PITRM1: variants seen among roughly 807,000 people sequenced by gnomAD.
PITRM1 encodes pitrilysin metallopeptidase 1, also known as presequence protease, mitochondrial.
A neutral mutation model predicts 129.9 loss-of-function variants in PITRM1; 100 were observed. The ratio of observed to expected loss-of-function variants is 0.77; its 90% CI spans 0.65 to 0.91. PITRM1 has a LOEUF of 0.91. Among genes scored for constraint, PITRM1 ranks in the 40% least tolerant of loss-of-function variants. PITRM1 has a pLI of 0.00. For synonymous variants in PITRM1, 591 were observed against 508.8 expected (o/e 1.16, Z -2.17); for missense variants, 1,471 against 1,318.3 (o/e 1.12, Z -1.79).
chr10:3,167,557 C>T (rs961173826), intron 2 of PITRM1, among the ~76,000 whole-genome samples: 5 of 152,116 alleles, frequency 3.3e-5, no homozygotes, highest in Non-Finnish European at 5.9e-5. Context: ...AGTAACAGAG[C>T]GCCCTTTCCA....
chr10:3,143,411 AG>A lies in PITRM1; in HGVS notation c.2622del (p.Tyr875ThrfsTer15). The A allele has an allele frequency of 6.2e-7, 1 of 1,611,624 alleles. No individual in the cohort carries two copies. The highest frequency in any genetic ancestry group is 8.5e-7 in the Non-Finnish European group (1 of 1,177,716). ...TACCTGGCATGATCTGGGTCCGTGT[AG>A]GGGACAGTTCGGATGCATTCACCCA... is the stretch of plus-strand genomic sequence containing the variant. ...NYVGECIRTVPYTDPDHASLK... is the reference protein window; with the variant it reads ...NYVGECIRTVXYTDPDHASLK... On this transcript the variant is annotated frameshift_variant, in exon 23 of 27. Transcript: ENST00000224949. LOFTEE classifies it high-confidence loss of function.
intron 1 of PITRM1, chr10:3,172,054 A>T: frequency 2.8e-6 from 1 of 358,000 alleles, no homozygotes; most frequent in South Asian, 2.1e-5. Flanking sequence ...GAATTATGGG[A>T]CAGAAGCGTT....
chr10:3,172,103 T>C, intron 1 of PITRM1: 17 of 443,580 alleles, frequency 3.8e-5, no homozygotes, highest in South Asian at 2.5e-4. Flanking sequence ...AGGAAACTCC[T>C]GAGCGGTAAG....
chr10:3,141,898 T>G, intron 23 of PITRM1: 1 of 220,814 alleles, frequency 4.5e-6, no homozygotes, highest in South Asian at 4.9e-5. Context: ...CAGCCGGGAC[T>G]AGCGAGGCTG....
At position 3,167,044 on chromosome 10, in the gene PITRM1, T is replaced by C. The variant is rs749616985; in HGVS notation, c.160-2A>G. The C allele has an allele frequency of 1.9e-6, 3 of 1,585,484 alleles. No homozygotes were observed. The highest frequency in any genetic ancestry group is 2.6e-6 in the Non-Finnish European group (3 of 1,161,258). ...GAACAGCTCGGGAACAGATGTCACC[T>C]GAGTTAACAAGAAAAACACGACCAG... is the stretch of plus-strand genomic sequence containing the variant. On this transcript the variant is annotated splice_acceptor_variant, in intron 2 of 26. Transcript: ENST00000224949. LOFTEE classifies it high-confidence loss of function.
chr10:3,151,844 T>G (rs1370050999), intron 14 of PITRM1, among the ~76,000 whole-genome samples: 1 of 152,162 alleles, frequency 6.6e-6, no homozygotes, highest in East Asian at 1.9e-4. Flanking sequence ...CAAGTGATCC[T>G]TCTGCCTTAG....
In PITRM1 at chr10:3,166,928, CCA is replaced by C; in HGVS notation, c.266+6_266+7del. The stretch of plus-strand genomic sequence containing the variant: ...TTCAAGACCATGTTCTTACAATGCA[CCA>C]CACACCTGAACAGATTATTCGTGTC... On this transcript the variant is annotated splice_donor_region_variant and intron_variant, in intron 3 of 26. Transcript: ENST00000224949. The C allele has an allele frequency of 1.3e-6, 2 of 1,527,762 alleles. No individual in the cohort carries two copies. The highest frequency in any genetic ancestry group is 9.0e-7 in the Non-Finnish European group (1 of 1,107,088). The allele number at this position is 1,527,762 out of a possible 1,614,324, so 94.6% of individuals were successfully genotyped here. A position where few individuals can be genotyped will look rare whatever the true frequency, so the allele number is the denominator to read the frequency against.
chr10:3,146,767 G>A, intron 20 of PITRM1: 1 of 159,342 alleles, frequency 6.3e-6, no homozygotes, highest in Non-Finnish European at 1.4e-5. Flanking sequence ...AAGGCCAACT[G>A]AAGGTATAGG....
At chr10:3,159,825 G>T in intron 9 of PITRM1, 23 bp downstream of exon 9, 1 of 1,405,378 alleles carries the variant, frequency 7.1e-7, no homozygotes, top group South Asian at 1.2e-5. Flanking sequence ...TGTCTTGTAT[G>T]AGCTTTGACA....
chr10:3,146,356 G>GAT (rs1840862264), intron 20 of PITRM1: 1 of 152,490 alleles, frequency 6.6e-6, no homozygotes, highest in African/African-American at 2.4e-5. Context: ...CTGCCTTGCA[G>GAT]ATATTCTTTC....
Position 3,147,174 on chromosome 10 carries a change from T to C in PITRM1, c.2312A>G (p.His771Arg). ...CCTCATATTATCACCATTTAACAAG[T>C]GTTTCTTGATACGCGGGAGCTTCCT... Reference protein sequence around the residue: ...ILRKLPRIKKHLLNGDNMRCS... With the variant: ...ILRKLPRIKKRLLNGDNMRCS... Residue 771 changes from histidine (H) to arginine (R), a missense_variant, in exon 20 of 27, where the codon CAC becomes CGC. Transcript: ENST00000224949. The C allele has an allele frequency of 1.3e-6, 2 of 1,582,630 alleles. No homozygotes were observed. Among genetic ancestry groups the C allele is most frequent in the South Asian group, 1.1e-5 (1 of 90,354 alleles).
intron 2 of PITRM1, among the ~76,000 whole-genome samples, chr10:3,169,278 C>A (rs973909702): frequency 1.3e-5 from 2 of 152,166 alleles, no homozygotes; most frequent in Admixed American, 6.5e-5. Flanking sequence ...CCTTGTCTGG[C>A]GCACCCTAGT....
intron 22 of PITRM1, chr10:3,143,841 CAT>C (rs2131828466): frequency 1.8e-6 from 1 of 563,872 alleles, no homozygotes; most frequent in East Asian, 4.3e-5. Context: ...TATTTCATAT[CAT>C]ATTATATCAT....
intron 1 of PITRM1, chr10:3,172,181 C>A (rs556652329): frequency 1.1e-4 from 52 of 456,478 alleles, no homozygotes; most frequent in Non-Finnish European, 1.9e-4. Context: ...TGAACTATTA[C>A]CTTATATTAA....
rs1315091733 is a variant in PITRM1 at position 3,165,351 on chromosome 10, A to T, written c.534-17T>A. 7 of 1,596,340 alleles carry T rather than the reference A, an allele frequency of 4.4e-6. No individual in the cohort carries two copies. Among genetic ancestry groups the T allele is most frequent in the Non-Finnish European group, 6.0e-6 (7 of 1,171,568 alleles). On this transcript the variant is annotated splice_polypyrimidine_tract_variant and intron_variant, in intron 5 of 26. Coordinates refer to ENST00000224949, the MANE Select transcript of PITRM1 (RefSeq NM_014889.4). ...CCTTCCTGCCTGAGGACAAATCATT[A>T]TAAGCTGATAGTGACTCAAATACTA... is the stretch of plus-strand genomic sequence containing the variant.
Position 3,145,644 on chromosome 10 carries a change from G to A in PITRM1, c.2409C>T (p.Ile803=), listed in dbSNP as rs759743131. Residue 803 remains isoleucine, a synonymous_variant, in exon 21 of 27, where the codon ATC becomes ATT. Transcript: ENST00000224949. ...GCCTCCGTTCCTTTTTACTCCGACC[G>A]ATGCTTCTAAGGAAGTCTTCGACCG... ...EKAVEDFLRS[I]GRSKKERRPV... The A allele has an allele frequency of 5.5e-5, 85 of 1,550,140 alleles. No homozygotes were observed. The highest frequency in any genetic ancestry group is 6.8e-5 in the Non-Finnish European group (78 of 1,146,964).
chr10:3,138,265 C>T lies in PITRM1; in HGVS notation c.2990G>A (p.Ser997Asn), dbSNP rs372883237. ...QAHREQLFAV[S>N]HDKLLAVSDR... ...GCTCACGGCCAGGAGCTTGTCGTGG[C>T]TGACAGCAAAGAGCTGCTCTCTGTG... is the stretch of plus-strand genomic sequence containing the variant. Residue 997 changes from serine to asparagine, a missense_variant, in exon 26 of 27, where the codon AGC (serine) becomes AAC (asparagine). Coordinates refer to ENST00000224949, the MANE Select transcript of PITRM1 (RefSeq NM_014889.4). The T allele has an allele frequency of 3.8e-5, 61 of 1,613,806 alleles. No individual in the cohort carries two copies. In the African/African-American group the frequency reaches 6.5e-4, roughly 17 times the overall value.
chr10:3,172,729 C>G lies in PITRM1; in HGVS notation c.44G>C (p.Arg15Pro), dbSNP rs1006874320. The change falls in exon 1 of 27, where the codon CGG becomes CCG. Residue 15 changes from arginine (R) to proline (P), a missense_variant. Arg to Pro is a moderately radical substitution (Grantham distance 103). Transcript: ENST00000224949. ...GGRQGLCVLR[R>P]LSGGHAHHRA... Reference sequence around the variant, plus strand: ...CGCAGCGTCTCACCCGCCGCTCAGCCGCCTCAGCACACACAGGCCCTGCCG... The same window carrying G: ...CGCAGCGTCTCACCCGCCGCTCAGCGGCCTCAGCACACACAGGCCCTGCCG... 2.6e-6 allele frequency: 4 copies of G among 1,542,980 alleles called. No individual in the cohort carries two copies. The highest frequency in any genetic ancestry group is 1.7e-6 in the Non-Finnish European group (2 of 1,144,234).
At position 3,163,362 on chromosome 10, in the gene PITRM1, C is replaced by T. The variant is rs139718746; in HGVS notation, c.791+363G>A. The T allele has an allele frequency of 3.1e-3, 493 of 160,588 alleles. 3 individuals are homozygous for T. Among genetic ancestry groups the T allele is most frequent in the Middle Eastern group, 0.012 (4 of 332 alleles). The allele number at this position is 160,588 out of a possible 1,614,324, so 9.9% of individuals were successfully genotyped here. ...ATCCACTATTGGAAGAGCACTTCTC[C>T]GTGCCAAGGAGAGGGCTTCAAGCTT... is the stretch of plus-strand genomic sequence containing the variant. On this transcript the variant is annotated intron_variant, in intron 7 of 26. Transcript: ENST00000224949.
Sources: gnomAD v4.1 joint callset for allele counts (sites outside exome capture counted in the v4.1 genomes callset) on GRCh38, gnomAD v4.1.1 for gene constraint, MANE v1.5 for transcripts, NCBI Gene and HGNC (gene_info 2026-07-23, HGNC 2026-07-21) for gene names.